Variants in TAF3 observed in about 807,000 individuals in gnomAD.
TAF3 encodes the protein TATA-box binding protein associated factor 3.
A neutral mutation model predicts 80.6 loss-of-function variants in TAF3; 7 were observed. That is an observed-to-expected ratio of 0.09 (90% confidence interval 0.05 to 0.16). TAF3 has a LOEUF of 0.16. TAF3 is among the 10% of genes least tolerant of loss of function. The pLI is 1.00. For missense variants in TAF3, 921 were observed against 1,140.2 expected (o/e 0.81, Z 2.77); for synonymous variants, 444 against 446.1 (o/e 1.00, Z 0.06).
chr10:7,954,323 C>T (rs75213081), intron 2 of TAF3, among the ~76,000 whole-genome samples: 17 of 117,658 alleles, frequency 1.4e-4, no homozygotes, highest in Middle Eastern at 6.3e-3. Flanking sequence ...ACTCCATAGG[C>T]GAATGAGTGA....
At chr10:7,877,615 C>A (rs574517568) in intron 2 of TAF3, among the ~76,000 whole-genome samples, 86 of 152,016 alleles carry the variant, frequency 5.7e-4, no homozygotes, top group Non-Finnish European at 1.1e-3. Context: ...AATATAAATG[C>A]TTTCCCTTTA....
intron 4 of TAF3, among the ~76,000 whole-genome samples, chr10:7,990,074 T>C (rs1158759754): frequency 1.3e-5 from 2 of 152,236 alleles, no homozygotes; most frequent in Non-Finnish European, 2.9e-5. Flanking sequence ...GTTTCTAGTT[T>C]AGATTAACTA....
intron 4 of TAF3, among the ~76,000 whole-genome samples, chr10:8,007,553 T>C (rs12783641): frequency 7.3e-6 from 1 of 137,802 alleles, no homozygotes; most frequent in Non-Finnish European, 1.5e-5. Context: ...GTTTTCTCTG[T>C]GTGTGAAATT....
At chr10:7,985,302 A>T (rs964662643) in intron 4 of TAF3, among the ~76,000 whole-genome samples, 1 of 152,150 alleles carries the variant, frequency 6.6e-6, no homozygotes, top group African/African-American at 2.4e-5. Context: ...GTCTATGGTC[A>T]GCCCTCCTCA....
At chr10:7,912,710 A>C (rs941695665) in intron 2 of TAF3, among the ~76,000 whole-genome samples, 1 of 152,196 alleles carries the variant, frequency 6.6e-6, no homozygotes, top group South Asian at 2.1e-4. Flanking sequence ...TAGTACAACA[A>C]ATCATTTAAT....
chr10:7,908,509 T>C (rs1837626059), intron 2 of TAF3, among the ~76,000 whole-genome samples: 2 of 152,134 alleles, frequency 1.3e-5, no homozygotes, highest in African/African-American at 4.8e-5. Context: ...CCTAACACCT[T>C]ATAAATGTCA....
At position 7,971,455 on chromosome 10, in the gene TAF3, T is replaced by G. The variant is rs200463698; in HGVS notation, c.2232+5713T>G. ...CTAGCTAGTATACATATATGGTGTTTTTTTTTTTTTTTAATGAAAGGAGTT... is the reference window on the plus strand; with the variant it reads ...CTAGCTAGTATACATATATGGTGTTGTTTTTTTTTTTTAATGAAAGGAGTT... On this transcript the variant is annotated intron_variant, in intron 3 of 6. Coordinates refer to ENST00000344293, the MANE Select transcript of TAF3 (RefSeq NM_031923.4). Among the ~76,000 whole-genome samples, 28 of 145,080 alleles carry G rather than the reference T, an allele frequency of 1.9e-4. No homozygotes were observed. In the East Asian group the frequency reaches 2.9e-3, roughly 15 times the overall value.
intron 2 of TAF3, among the ~76,000 whole-genome samples, chr10:7,960,371 C>T (rs894970529): frequency 5.3e-5 from 8 of 152,058 alleles, no homozygotes; most frequent in African/African-American, 7.3e-5. Flanking sequence ...GGTCAGCAAA[C>T]GTTTTTTTGT....
At chr10:7,865,096 C>G (rs1837196995) in intron 2 of TAF3, among the ~76,000 whole-genome samples, 2 of 152,032 alleles carry the variant, frequency 1.3e-5, no homozygotes, top group African/African-American at 4.8e-5. Context: ...AGTGGTGACT[C>G]ATGGGAAGCT....
At chr10:7,906,612 G>A (rs988086674) in intron 2 of TAF3, among the ~76,000 whole-genome samples, 1 of 151,948 alleles carries the variant, frequency 6.6e-6, no homozygotes, top group Admixed American at 6.6e-5. Context: ...CACTGACAAA[G>A]GCTCCTTATA....
chr10:7,860,328 G>A (rs1837131609), intron 2 of TAF3, among the ~76,000 whole-genome samples: 1 of 151,674 alleles, frequency 6.6e-6, no homozygotes. Flanking sequence ...GAATTATTAA[G>A]CGTTTGAAAA....
chr10:7,837,757 G>A (rs377482079), intron 2 of TAF3, among the ~76,000 whole-genome samples: 1 of 152,264 alleles, frequency 6.6e-6, no homozygotes, highest in South Asian at 2.1e-4. Context: ...CTGGGAGGTT[G>A]AGGCTGAGGC....
chr10:7,953,840 G>A (rs534448923), intron 2 of TAF3, among the ~76,000 whole-genome samples: 17 of 149,350 alleles, frequency 1.1e-4, no homozygotes, highest in African/African-American at 4.2e-4. Context: ...AAGAGTGCAC[G>A]CCATAGGCAA....
intron 4 of TAF3, 151 bp from the exon 5 acceptor site, chr10:8,008,927 C>T: frequency 8.9e-7 from 1 of 1,119,592 alleles, no homozygotes; most frequent in Non-Finnish European, 1.3e-6. Context: ...CCACTTCATG[C>T]AGGGCCTGGA....
At chr10:7,865,884 G>A (rs1837209667) in intron 2 of TAF3, among the ~76,000 whole-genome samples, 1 of 152,118 alleles carries the variant, frequency 6.6e-6, no homozygotes, top group Non-Finnish European at 1.5e-5. Context: ...CTTGCATCTT[G>A]TCAGCGTTGA....
chr10:8,013,667 TG>T, intron 5 of TAF3, 63 bp from the exon 6 acceptor site: 1 of 1,297,574 alleles, frequency 7.7e-7, no homozygotes, highest in Non-Finnish European at 1.1e-6. Context: ...CATTCTGATC[TG>T]GCCTCTTTTT....
intron 4 of TAF3, among the ~76,000 whole-genome samples, chr10:7,977,525 T>G (rs1831685516): frequency 8.0e-6 from 1 of 124,736 alleles, no homozygotes; most frequent in African/African-American, 3.1e-5. Context: ...ACGTAAAGGA[T>G]TTTTTTTTTC....
intron 2 of TAF3, among the ~76,000 whole-genome samples, chr10:7,941,682 C>G (rs2131206505): frequency 1.3e-5 from 2 of 152,258 alleles, no homozygotes; most frequent in East Asian, 3.9e-4. Context: ...TCTGTTAGGT[C>G]GGGAAAATAG....
In TAF3 at chr10:7,858,435, A is replaced by G. The variant is rs991572739; in HGVS notation, c.409+33875A>G. 3.9e-5 allele frequency among the ~76,000 whole-genome samples: 6 copies of G among 152,202 alleles called. No homozygotes were observed. In the East Asian group the frequency reaches 5.8e-4, roughly 15 times the overall value. On this transcript the variant is annotated intron_variant, in intron 2 of 6. Transcript: ENST00000344293. ...TACAATCGTTTATGTCAGCTAGGCT[A>G]CAATTATGATCATTAGCAGGGGTTG...
Sources: gnomAD v4.1 joint callset for allele counts (sites outside exome capture counted in the v4.1 genomes callset) on GRCh38, gnomAD v4.1.1 for gene constraint, MANE v1.5 for transcripts, NCBI Gene and HGNC (gene_info 2026-07-23, HGNC 2026-07-21) for gene names.